The following LPP variants were observed in gnomAD, a reference collection of about 807,000 sequenced individuals.
LPP encodes the protein LIM domain containing preferred translocation partner in lipoma.
LPP carries 38 observed loss-of-function variants against 60.4 expected under a neutral mutation model. The observed-to-expected ratio is 0.63, with a 90% CI of 0.49 to 0.83. LPP has a LOEUF of 0.83. LPP is among the 40% of genes least tolerant of loss of function. LPP has a pLI of 0.00. For synonymous variants in LPP, 328 were observed against 290.8 expected, an observed-to-expected ratio of 1.13 and a Z score of -1.30; for missense variants, 902 against 783.6, an observed-to-expected ratio of 1.15 and a Z score of -1.80.
At chr3:188,655,992 C>A (rs1438722987) in intron 7 of LPP, among the ~76,000 whole-genome samples, 3 of 151,788 alleles carry the variant, frequency 2.0e-5, no homozygotes, top group African/African-American at 7.3e-5. Context: ...GAGTTTGAGA[C>A]CAGCCTGACC....
intron 7 of LPP, among the ~76,000 whole-genome samples, chr3:188,635,156 GT>G (rs1430818388): frequency 6.6e-6 from 1 of 152,130 alleles, no homozygotes; most frequent in Non-Finnish European, 1.5e-5. Flanking sequence ...TGTATTTTGT[GT>G]TTGATATTAA....
rs186644573 is a variant in LPP, at chr3:188,843,753, C to G, written c.1411-22447C>G. Among the ~76,000 whole-genome samples the G allele has an allele frequency of 2.9e-4, 35 of 119,266 alleles. No homozygotes were observed. The East Asian group carries it at 9.0e-3, about 31-fold the overall frequency. The allele number at this position is 119,266 out of a possible 152,430, so 78.2% of individuals were successfully genotyped here. A position where few individuals can be genotyped will look rare whatever the true frequency, so the allele number is the denominator to read the frequency against. ...AGGGAGCCGAGATCGCGCCACTGCACTCCAGCCTGGGCGACAGAGCAAGAC... is the reference window on the plus strand; with the variant it reads ...AGGGAGCCGAGATCGCGCCACTGCAGTCCAGCCTGGGCGACAGAGCAAGAC... On this transcript the variant is annotated intron_variant, in intron 9 of 11. Transcript: ENST00000617246.
At chr3:188,529,890 C>T (rs560690203) in intron 6 of LPP, among the ~76,000 whole-genome samples, 10 of 152,258 alleles carry the variant, frequency 6.6e-5, no homozygotes, top group South Asian at 4.2e-4. Flanking sequence ...TAAATTGTCA[C>T]GTAAATCACC....
intron 9 of LPP, among the ~76,000 whole-genome samples, chr3:188,797,725 C>T (rs1335263227): frequency 1.3e-5 from 2 of 152,216 alleles, no homozygotes; most frequent in African/African-American, 2.4e-5. Flanking sequence ...TAGAAGTAGT[C>T]ACTCCCTGCT....
intron 3 of LPP, among the ~76,000 whole-genome samples, chr3:188,365,411 T>C (rs539712525): frequency 6.6e-6 from 1 of 152,338 alleles, no homozygotes; most frequent in South Asian, 2.1e-4. Flanking sequence ...CTCTCTGCCA[T>C]GTCAAGCTGA....
At chr3:188,861,704 C>T (rs1014015576) in intron 9 of LPP, among the ~76,000 whole-genome samples, 9 of 152,160 alleles carry the variant, frequency 5.9e-5, no homozygotes, top group Admixed American at 6.5e-5. Flanking sequence ...GAAAAAAATA[C>T]TACCCCATTG....
At chr3:188,319,640 A>G (rs1365028889) in intron 2 of LPP, among the ~76,000 whole-genome samples, 2 of 152,204 alleles carry the variant, frequency 1.3e-5, no homozygotes, top group African/African-American at 2.4e-5. Flanking sequence ...TTCATTCCCC[A>G]ATAATGTTTG....
chr3:188,201,442 C>T (rs1375949909), intron 1 of LPP, among the ~76,000 whole-genome samples: 1 of 152,214 alleles, frequency 6.6e-6, no homozygotes, highest in Non-Finnish European at 1.5e-5. Context: ...CGTGGTGGCT[C>T]ATGCCTGTAA....
rs1578110041 is a variant in LPP at position 188,876,407 on chromosome 3, T to C, written c.*1928T>C. The C allele has an allele frequency of 5.2e-6, 1 of 193,154 alleles. No homozygotes were observed. Among genetic ancestry groups the C allele is most frequent in the South Asian group, 1.9e-4 (1 of 5,176 alleles). 12.0% of individuals were successfully genotyped at this position (193,154 alleles called of 1,614,324 possible). ...GCTTTTAAGAGCTTCCTTTGACCAC[T>C]GTCTTTTTCTTACCCTAGTTCTCTT... On this transcript the variant is annotated 3_prime_UTR_variant, in exon 12 of 12. Transcript: ENST00000617246.
At chr3:188,742,782 G>A (rs1724895183) in intron 8 of LPP, among the ~76,000 whole-genome samples, 1 of 152,140 alleles carries the variant, frequency 6.6e-6, no homozygotes, top group Non-Finnish European at 1.5e-5. Flanking sequence ...TCATCAAAGT[G>A]TACAGTTAAA....
chr3:188,293,648 T>A (rs1746798884), intron 2 of LPP, among the ~76,000 whole-genome samples: 1 of 152,182 alleles, frequency 6.6e-6, no homozygotes, highest in South Asian at 2.1e-4. Flanking sequence ...GTAGATTGGC[T>A]GAATGGAAAA....
At chr3:188,704,429 T>C (rs555125931) in intron 7 of LPP, among the ~76,000 whole-genome samples, 11 of 152,266 alleles carry the variant, frequency 7.2e-5, no homozygotes, top group Admixed American at 7.2e-4. Context: ...TTATGAAAGG[T>C]TGACAAGCTC....
chr3:188,477,791 T>C (rs1363815307), intron 4 of LPP, among the ~76,000 whole-genome samples: 1 of 152,242 alleles, frequency 6.6e-6, no homozygotes, highest in African/African-American at 2.4e-5. Context: ...CTTGCTGTTA[T>C]CAATAGTTTG....
chr3:188,649,555 CTGAGCTAGGGAAATACCATCT>C (rs146726040), intron 7 of LPP, among the ~76,000 whole-genome samples: 4,876 of 152,280 alleles, frequency 0.032, 263 homozygotes, highest in African/African-American at 0.11. Flanking sequence ...AGGTGAAACT[CTGAGCTAGGGAAATACCATCT>C]TGGTAGTCCT....
At position 188,639,878 on chromosome 3, in the gene LPP, G is replaced by A. The variant is rs561599427; in HGVS notation, c.1113+30034G>A. ...AAAAGTCAGGAAACTACAGGTGCTG[G>A]AGAGGATGTGGAGAAATAGGAACAC... On this transcript the variant is annotated intron_variant, in intron 7 of 11. Transcript: ENST00000617246. 5.1e-3 allele frequency among the ~76,000 whole-genome samples: 784 copies of A among 152,250 alleles called. 1 individual carries two copies. Among genetic ancestry groups the A allele is most frequent in the Middle Eastern group, 0.01 (3 of 294 alleles).
chr3:188,323,211 A>C lies in LPP; in HGVS notation c.-66-18452A>C, dbSNP rs183309553. Among the ~76,000 whole-genome samples, 653 of 152,316 alleles carry C rather than the reference A, an allele frequency of 4.3e-3. 4 individuals carry two copies. Among genetic ancestry groups the C allele is most frequent in the Non-Finnish European group, 7.5e-3 (509 of 68,024 alleles). On this transcript the variant is annotated intron_variant, in intron 2 of 11. Coordinates refer to ENST00000617246, the MANE Select transcript of LPP (RefSeq NM_001375462.1). ...AAGAAAAGAGAGAGAGCAGACATAA[A>C]AACATCCTTTCATCTTTCTGAAGAC...
chr3:188,535,243 G>A (rs1340270479), intron 6 of LPP, among the ~76,000 whole-genome samples: 2 of 152,140 alleles, frequency 1.3e-5, no homozygotes, highest in African/African-American at 2.4e-5. Flanking sequence ...ATTGTATTGA[G>A]TCACAAATAT....
intron 7 of LPP, among the ~76,000 whole-genome samples, chr3:188,666,015 T>C (rs1296450969): frequency 1.3e-5 from 2 of 152,232 alleles, no homozygotes; most frequent in Non-Finnish European, 2.9e-5. Flanking sequence ...CATTTATCCC[T>C]TTGACATTTT....
At chr3:188,309,439 G>A (rs1318249706) in intron 2 of LPP, among the ~76,000 whole-genome samples, 1 of 152,172 alleles carries the variant, frequency 6.6e-6, no homozygotes, top group East Asian at 1.9e-4. Flanking sequence ...ATGGCTATGG[G>A]CATGATGACA....
Sources: gnomAD v4.1 joint callset for allele counts (sites outside exome capture counted in the v4.1 genomes callset) on GRCh38, gnomAD v4.1.1 for gene constraint, MANE v1.5 for transcripts, NCBI Gene and HGNC (gene_info 2026-07-23, HGNC 2026-07-21) for gene names.